The following AGO2 variants were observed in gnomAD, a reference collection of about 807,000 sequenced individuals.
The protein encoded by AGO2 is argonaute RISC catalytic component 2.
Under a neutral mutation model 102.3 loss-of-function variants are expected in AGO2, and 5 were observed. The ratio of observed to expected loss-of-function variants is 0.05; its 90% CI spans 0.03 to 0.10. The LOEUF is 0.10. Ranked by LOEUF, AGO2 falls within the 10% of genes least tolerant of loss-of-function variation. AGO2 has a pLI of 1.00. For missense variants in AGO2, 541 were observed against 1,183.7 expected (o/e 0.46, Z 7.97); for synonymous variants, 449 against 473.1 (o/e 0.95, Z 0.66).
rs1297380464 is a variant in AGO2 at position 140,525,979 on chromosome 8, C to A, written c.*6065G>T. ...TCTACTTCAAAACACCAGCTGTGGGCCCTGTGTTCTTTTCAAACAAAGGGC... is the reference window on the plus strand; with the variant it reads ...TCTACTTCAAAACACCAGCTGTGGGACCTGTGTTCTTTTCAAACAAAGGGC... On this transcript the variant is annotated 3_prime_UTR_variant, in exon 19 of 19. Transcript: ENST00000220592. 6.6e-6 allele frequency: 1 copy of A among 152,154 alleles called. No homozygotes were observed. Among genetic ancestry groups the A allele is most frequent in the Non-Finnish European group, 1.5e-5 (1 of 68,036 alleles). The allele number at this position is 152,154 out of a possible 1,614,324, so 9.4% of individuals were successfully genotyped here.
rs1588442677 is a variant in AGO2 at position 140,544,317 on chromosome 8, T to C, written c.1749-14A>G. On this transcript the variant is annotated splice_polypyrimidine_tract_variant and intron_variant, in intron 13 of 18. Transcript: ENST00000220592. The stretch of plus-strand genomic sequence containing the variant: ...AACACCGGCGGCCTGCGGAGAGGAG[T>C]GGCGTCAGGGGCCACGGTGAGACAC... 1 of 1,590,028 alleles carries C rather than the reference T, an allele frequency of 6.3e-7. No individual in the cohort carries two copies. Among genetic ancestry groups the C allele is most frequent in the African/African-American group, 1.4e-5 (1 of 72,736 alleles).
upstream of AGO2, among the ~76,000 whole-genome samples, chr8:140,640,551 C>T (rs1272663261): frequency 6.6e-6 from 1 of 151,900 alleles, no homozygotes; most frequent in Non-Finnish European, 1.5e-5. Context: ...TGGAGTCTCG[C>T]TCTGTTGCAC....
rs2073119701 is a variant in AGO2, at chr8:140,557,580, A to G, written c.879-344T>C. ...ACCGTGGTGACCCTGGAAGCCTTTT[A>G]CGTGCCGCGCGCTCCCGGTGCCCAG... On this transcript the variant is annotated intron_variant, in intron 7 of 18. Transcript: ENST00000220592. This position sits in a 1 kb window ranked among gnomAD's most constrained non-coding sequence, Gnocchi z 5.9. Among the ~76,000 whole-genome samples, 1 of 152,210 alleles carries G rather than the reference A, an allele frequency of 6.6e-6. No homozygotes were observed. The highest frequency in any genetic ancestry group is 2.1e-4 in the South Asian group (1 of 4,832).
At chr8:140,616,267 C>T (rs573696510) in intron 1 of AGO2, among the ~76,000 whole-genome samples, 1 of 152,310 alleles carries the variant, frequency 6.6e-6, no homozygotes, top group African/African-American at 2.4e-5. Flanking sequence ...GAGGCTCACT[C>T]CTCAAAGGAC....
chr8:140,631,310 G>A (rs2074338252), intron 1 of AGO2, among the ~76,000 whole-genome samples: 1 of 152,178 alleles, frequency 6.6e-6, no homozygotes. Context: ...GGGAGGCCGA[G>A]GCAGGTAGAT....
At chr8:140,631,985 T>A (rs2074348078) in intron 1 of AGO2, among the ~76,000 whole-genome samples, 1 of 152,204 alleles carries the variant, frequency 6.6e-6, no homozygotes, top group South Asian at 2.1e-4. Flanking sequence ...TAACTATTTT[T>A]AAAACTCAAA....
In AGO2 at chr8:140,530,668, GC is replaced by G. The variant is rs985749532; in HGVS notation, c.*1375del. The G allele has an allele frequency of 3.3e-5, 5 of 152,278 alleles. No individual in the cohort carries two copies. The highest frequency in any genetic ancestry group is 1.2e-4 in the African/African-American group (5 of 41,468). 9.4% of individuals were successfully genotyped at this position (152,278 alleles called of 1,614,324 possible). ...CCCAGAAGAACGGCCCATGCCCTCT[GC>G]TGGCCCTGCTATCCTTGGGCCTCCC... On this transcript the variant is annotated 3_prime_UTR_variant, in exon 19 of 19. Coordinates refer to ENST00000220592, the MANE Select transcript of AGO2 (RefSeq NM_012154.5).
chr8:140,626,261 G>A (rs2074275465), intron 1 of AGO2, among the ~76,000 whole-genome samples: 1 of 152,214 alleles, frequency 6.6e-6, no homozygotes. Context: ...TGTGTCCCTG[G>A]CCCGAGCCTC....
chr8:140,635,842 G>T (rs974333978), upstream of AGO2, among the ~76,000 whole-genome samples: 3 of 144,978 alleles, frequency 2.1e-5, no homozygotes, highest in Admixed American at 6.8e-5. Context: ...GCGGGGACCC[G>T]GGGAGGGGCC....
upstream of AGO2, among the ~76,000 whole-genome samples, chr8:140,636,011 G>A (rs2074404989): frequency 6.6e-6 from 1 of 150,614 alleles, no homozygotes; most frequent in African/African-American, 2.4e-5. Flanking sequence ...CGGGCCCCCC[G>A]GCTGTGCCGC....
intron 2 of AGO2, among the ~76,000 whole-genome samples, chr8:140,573,925 T>C (rs1464418023): frequency 6.6e-6 from 1 of 152,204 alleles, no homozygotes; most frequent in Non-Finnish European, 1.5e-5. Flanking sequence ...TCCCGGGTGC[T>C]GCTACCCCTC....
chr8:140,620,460 G>A (rs1349796575), intron 1 of AGO2, among the ~76,000 whole-genome samples: 1 of 152,244 alleles, frequency 6.6e-6, no homozygotes, highest in African/African-American at 2.4e-5. Flanking sequence ...ACTATGGAGG[G>A]TGCGGAGCAG....
At position 140,522,278 on chromosome 8, in the gene AGO2, T is replaced by C. The variant is rs1488369624; in HGVS notation, c.*9766A>G. On this transcript the variant is annotated 3_prime_UTR_variant, in exon 19 of 19. Transcript: ENST00000220592. ...TGTTTGGTTACTTTTTCCAATTTAA[T>C]TTGACAGACTTAGTAATAGCACCCA... 1 of 152,208 alleles carries C rather than the reference T, an allele frequency of 6.6e-6. No homozygotes were observed. The highest frequency in any genetic ancestry group is 6.5e-5 in the Admixed American group (1 of 15,284). 9.4% of individuals were successfully genotyped at this position (152,208 alleles called of 1,614,324 possible). A position where few individuals can be genotyped will look rare whatever the true frequency, so the allele number is the denominator to read the frequency against.
chr8:140,595,760 TAC>T (rs1465023240), intron 1 of AGO2, among the ~76,000 whole-genome samples: 6 of 48,862 alleles, frequency 1.2e-4, no homozygotes, highest in African/African-American at 3.2e-4. Context: ...TAATTGTATA[TAC>T]AATTATATTA....
At chr8:140,628,401 G>A (rs2074301912) in intron 1 of AGO2, among the ~76,000 whole-genome samples, 1 of 150,974 alleles carries the variant, frequency 6.6e-6, no homozygotes, top group Non-Finnish European at 1.5e-5. Context: ...GTGTGTGCGT[G>A]TGTGTGTGTT....
At chr8:140,614,014 T>TCAAA (rs2074111252) in intron 1 of AGO2, among the ~76,000 whole-genome samples, 1 of 25,514 alleles carries the variant, frequency 3.9e-5, no homozygotes, top group African/African-American at 1.7e-4. Flanking sequence ...AGACCCTGTC[T>TCAAA]CAAAAAAAAA....
chr8:140,550,598 C>T lies in AGO2; in HGVS notation c.1403+705G>A, dbSNP rs567246235. Among the ~76,000 whole-genome samples the T allele has an allele frequency of 8.3e-4, 127 of 152,236 alleles. 2 individuals are homozygous for T. The highest frequency in any genetic ancestry group is 2.9e-3 in the African/African-American group (120 of 41,542). ...GAAGATAACACTCCCAGCCTCTCCACCTCTCTATTTCACCTTCTCTTCCTA... is the reference window on the plus strand; with the variant it reads ...GAAGATAACACTCCCAGCCTCTCCATCTCTCTATTTCACCTTCTCTTCCTA... On this transcript the variant is annotated intron_variant, in intron 11 of 18. Transcript: ENST00000220592.
intron 1 of AGO2, among the ~76,000 whole-genome samples, chr8:140,588,690 T>C (rs2073701041): frequency 6.6e-6 from 1 of 152,090 alleles, no homozygotes; most frequent in East Asian, 1.9e-4. Flanking sequence ...AAAGCATACA[T>C]TCTTTGTGCA....
chr8:140,593,601 T>A (rs983311266), intron 1 of AGO2, among the ~76,000 whole-genome samples: 2 of 151,118 alleles, frequency 1.3e-5, no homozygotes, highest in African/African-American at 4.9e-5. Context: ...AACTGATTCA[T>A]CCTAGATACC....
Sources: gnomAD v4.1 joint callset for allele counts (sites outside exome capture counted in the v4.1 genomes callset) on GRCh38, gnomAD v4.1.1 for gene constraint, Gnocchi (gnomAD v3.1) non-coding constraint, MANE v1.5 for transcripts, NCBI Gene and HGNC (gene_info 2026-07-23, HGNC 2026-07-21) for gene names.